The following PTPN11 variants were observed in gnomAD, a reference collection of about 807,000 sequenced individuals.
PTPN11 encodes the protein tyrosine-protein phosphatase non-receptor type 11.
A neutral mutation model predicts 78.8 loss-of-function variants in PTPN11; 6 were observed. The ratio of observed to expected loss-of-function variants is 0.08; its 90% CI spans 0.04 to 0.15. The LOEUF (loss-of-function observed/expected upper bound fraction) is 0.15. PTPN11 is among the 10% of genes least tolerant of loss of function. PTPN11 has a pLI of 1.00. For synonymous variants in PTPN11, 221 were observed against 263.5 expected (o/e 0.84, Z 1.56); for missense variants, 386 against 744.8 (o/e 0.52, Z 5.61).
rs181184051 is a variant in PTPN11 at position 112,429,795 on chromosome 12, T to C, written c.14+10670T>C. On this transcript the variant is annotated intron_variant, in intron 1 of 15. Coordinates refer to ENST00000351677, the MANE Select transcript of PTPN11 (RefSeq NM_002834.5). ...TCCAGCCTGGGTGACAGAGCAGGAC[T>C]CCGTCTCAAAAAAAAAAACAACAAC... 6.4e-3 allele frequency among the ~76,000 whole-genome samples: 958 copies of C among 148,634 alleles called. 10 individuals are homozygous for C. Among genetic ancestry groups the C allele is most frequent in the African/African-American group, 0.023 (934 of 40,628 alleles).
chr12:112,469,758 A>C (rs960661833), intron 6 of PTPN11, among the ~76,000 whole-genome samples: 4 of 152,102 alleles, frequency 2.6e-5, no homozygotes, highest in Non-Finnish European at 5.9e-5. Flanking sequence ...CAGGTGATCC[A>C]TCCACCTTGG....
intron 1 of PTPN11, among the ~76,000 whole-genome samples, chr12:112,427,273 G>A (rs1594127760): frequency 2.0e-5 from 3 of 151,424 alleles, no homozygotes; most frequent in African/African-American, 7.3e-5. Flanking sequence ...TAGGCTGGGC[G>A]TGGTGGCTCA....
At chr12:112,458,371 C>T (rs1415918536) in intron 6 of PTPN11, among the ~76,000 whole-genome samples, 8 of 152,230 alleles carry the variant, frequency 5.3e-5, no homozygotes, top group South Asian at 2.1e-4. Flanking sequence ...CCACCATAGC[C>T]GGCTAATTTT....
chr12:112,450,036 A>G (rs1030849661), intron 2 of PTPN11, among the ~76,000 whole-genome samples: 3 of 151,720 alleles, frequency 2.0e-5, no homozygotes, highest in Non-Finnish European at 4.4e-5. Flanking sequence ...CGGTGAACCG[A>G]GATCACGTCA....
At chr12:112,448,048 T>C (rs2038021562) in intron 2 of PTPN11, among the ~76,000 whole-genome samples, 3 of 152,158 alleles carry the variant, frequency 2.0e-5, no homozygotes, top group South Asian at 4.2e-4. Flanking sequence ...GTGATCCATC[T>C]GCCTTGGCTT....
chr12:112,469,478 A>G (rs1292329459), intron 6 of PTPN11, among the ~76,000 whole-genome samples: 3 of 152,084 alleles, frequency 2.0e-5, no homozygotes, highest in Non-Finnish European at 4.4e-5. Flanking sequence ...AAATGAAAAA[A>G]TTTTTAAAAT....
intron 1 of PTPN11, among the ~76,000 whole-genome samples, chr12:112,440,240 T>C (rs2037863492): frequency 6.6e-6 from 1 of 152,146 alleles, no homozygotes; most frequent in African/African-American, 2.4e-5. Context: ...TAAATTGAGG[T>C]TGACGTTTTC....
intron 14 of PTPN11, among the ~76,000 whole-genome samples, chr12:112,503,136 A>C (rs2038896149): frequency 6.6e-6 from 1 of 152,214 alleles, no homozygotes; most frequent in Admixed American, 6.5e-5. Flanking sequence ...CACAAAACAA[A>C]GACCCAATAA....
At chr12:112,438,344 A>T (rs2135844613) in intron 1 of PTPN11, among the ~76,000 whole-genome samples, 1 of 152,076 alleles carries the variant, frequency 6.6e-6, no homozygotes, top group Non-Finnish European at 1.5e-5. Context: ...TTTCTTAGAG[A>T]CAGGGTCCCA....
intron 10 of PTPN11, among the ~76,000 whole-genome samples, chr12:112,483,318 G>A (rs1044962049): frequency 2.0e-5 from 3 of 151,742 alleles, no homozygotes; most frequent in African/African-American, 7.3e-5. Flanking sequence ...CTCCCATGTA[G>A]CTGGGGGCTA....
In PTPN11 at chr12:112,420,727, G is replaced by A. The variant is rs191351165; in HGVS notation, c.14+1602G>A. ...ATACATGGATCTGGAATTTAAAAAG[G>A]GGAGAAAAAGAAAACTGAGAACTCG... On this transcript the variant is annotated intron_variant, in intron 1 of 15. Coordinates refer to ENST00000351677, the MANE Select transcript of PTPN11 (RefSeq NM_002834.5). Among the ~76,000 whole-genome samples the A allele has an allele frequency of 9.9e-4, 150 of 152,280 alleles. 1 individual carries two copies. The highest frequency in any genetic ancestry group is 3.0e-3 in the African/African-American group (126 of 41,556).
intron 1 of PTPN11, among the ~76,000 whole-genome samples, chr12:112,440,563 CTTTTTTT>C (rs772805515): frequency 2.2e-5 from 2 of 90,722 alleles, no homozygotes; most frequent in Non-Finnish European, 2.2e-5. Context: ...TGTGCCTGGC[CTTTTTTT>C]TTTTTTTTTT....
rs2038932755 is a variant in PTPN11 at position 112,506,197 on chromosome 12, T to G, written c.*405T>G. On this transcript the variant is annotated 3_prime_UTR_variant, in exon 16 of 16. Coordinates refer to ENST00000351677, the MANE Select transcript of PTPN11 (RefSeq NM_002834.5). ...GTTTAATTTTTTTTTTCCTCATTGT[T>G]GGGGATGATGAGAAGAAATGATTTG... 1 of 152,148 alleles carries G rather than the reference T, an allele frequency of 6.6e-6. No individual in the cohort carries two copies. Among genetic ancestry groups the G allele is most frequent in the Non-Finnish European group, 1.5e-5 (1 of 68,034 alleles). 9.4% of individuals were successfully genotyped at this position (152,148 alleles called of 1,614,324 possible). A position where few individuals can be genotyped will look rare whatever the true frequency, so the allele number is the denominator to read the frequency against.
intron 6 of PTPN11, among the ~76,000 whole-genome samples, chr12:112,469,120 A>G (rs1412159624): frequency 6.6e-6 from 1 of 152,174 alleles, no homozygotes; most frequent in Non-Finnish European, 1.5e-5. Context: ...TGGGTGGCCC[A>G]GCCAAAATGA....
chr12:112,480,662 G>T (rs1024597161), intron 9 of PTPN11, among the ~76,000 whole-genome samples: 1 of 152,116 alleles, frequency 6.6e-6, no homozygotes, highest in East Asian at 1.9e-4. Flanking sequence ...GCCCAACCAA[G>T]ACCACATCCT....
intron 6 of PTPN11, among the ~76,000 whole-genome samples, chr12:112,465,243 C>G (rs1388846375): frequency 6.6e-6 from 1 of 151,902 alleles, no homozygotes; most frequent in Non-Finnish European, 1.5e-5. Context: ...ACCAGCCTGG[C>G]CAACATGGTG....
At chr12:112,465,038 G>A (rs1422407188) in intron 6 of PTPN11, among the ~76,000 whole-genome samples, 4 of 152,196 alleles carry the variant, frequency 2.6e-5, no homozygotes, top group Non-Finnish European at 4.4e-5. Flanking sequence ...TGAAAAGGCC[G>A]GTTATAATTC....
intron 1 of PTPN11, among the ~76,000 whole-genome samples, chr12:112,425,242 A>C (rs2037598831): frequency 6.6e-6 from 1 of 152,106 alleles, no homozygotes; most frequent in Non-Finnish European, 1.5e-5. Context: ...TGAAATGTTC[A>C]TCAGTGGGGG....
intron 1 of PTPN11, among the ~76,000 whole-genome samples, chr12:112,431,857 A>G (rs981523465): frequency 2.0e-5 from 3 of 152,204 alleles, no homozygotes; most frequent in South Asian, 2.1e-4. Flanking sequence ...CCCAGAAATC[A>G]TAATGGAAAA....
Sources: gnomAD v4.1 joint callset for allele counts (sites outside exome capture counted in the v4.1 genomes callset) on GRCh38, gnomAD v4.1.1 for gene constraint, MANE v1.5 for transcripts, NCBI Gene and HGNC (gene_info 2026-07-23, HGNC 2026-07-21) for gene names.